Variants in NTRK3 observed in about 807,000 individuals in gnomAD.
NTRK3 encodes the protein NT-3 growth factor receptor.
A neutral mutation model predicts 91.7 loss-of-function variants in NTRK3; 24 were observed. The ratio of observed to expected loss-of-function variants is 0.26; its 90% CI spans 0.19 to 0.37. The LOEUF is 0.37. NTRK3 is among the 10% of genes least tolerant of loss of function. The pLI is 1.00. For synonymous variants in NTRK3, 483 were observed against 404.0 expected, an observed-to-expected ratio of 1.20 and a Z score of -2.34; for missense variants, 880 against 1,068.9, an observed-to-expected ratio of 0.82 and a Z score of 2.46.
chr15:88,244,099 C>G lies in NTRK3; in HGVS notation c.248+11807G>C, dbSNP rs1213621334. On this transcript the variant is annotated intron_variant, in intron 3 of 18. Transcript: ENST00000394480. ...AGCCACTGGGTGTCACTGCTGCCCC[C>G]CCATGAATTGGAACCATAGAGCGTT... 3.3e-5 allele frequency among the ~76,000 whole-genome samples: 5 copies of G among 152,280 alleles called. No individual in the cohort carries two copies. In the South Asian group the frequency reaches 1.0e-3, roughly 32 times the overall value.
chr15:88,194,549 C>T (rs1393120246), intron 3 of NTRK3, among the ~76,000 whole-genome samples: 3 of 152,216 alleles, frequency 2.0e-5, no homozygotes, highest in Non-Finnish European at 4.4e-5. Flanking sequence ...GCCACATCCA[C>T]TATTATCACC....
rs545104113 is a variant in NTRK3, at chr15:88,235,095, A to G, written c.248+20811T>C. ...ACAAAGGCAGCCTCCTCACCTCCCC[A>G]TCATGCCTCATAACAGAGCACTCTG... On this transcript the variant is annotated intron_variant, in intron 3 of 18. Coordinates refer to ENST00000394480, the Ensembl canonical transcript of NTRK3. The surrounding 1 kb of genome is among the most constrained non-coding windows in gnomAD (Gnocchi z 5.2). Among the ~76,000 whole-genome samples the G allele has an allele frequency of 1.3e-5, 2 of 152,186 alleles. No homozygotes were observed. Among genetic ancestry groups the G allele is most frequent in the African/African-American group, 4.8e-5 (2 of 41,524 alleles).
chr15:88,216,252 A>G (rs1275440731), intron 3 of NTRK3, among the ~76,000 whole-genome samples: 1 of 152,152 alleles, frequency 6.6e-6, no homozygotes. Flanking sequence ...CCACTAGGAT[A>G]TCAAGTTTGG....
intron 13 of NTRK3, among the ~76,000 whole-genome samples, chr15:88,071,504 G>A (rs1169825000): frequency 6.6e-6 from 1 of 152,256 alleles, no homozygotes; most frequent in Non-Finnish European, 1.5e-5. Flanking sequence ...TCTCTGAACA[G>A]CTACATCAGT....
intron 17 of NTRK3, among the ~76,000 whole-genome samples, chr15:87,905,479 G>C (rs2066711644): frequency 6.6e-6 from 1 of 152,078 alleles, no homozygotes; most frequent in Non-Finnish European, 1.5e-5. Context: ...ATATATGAAA[G>C]TATACCACAA....
chr15:87,975,492 C>T (rs545792509), intron 14 of NTRK3, among the ~76,000 whole-genome samples: 41 of 152,276 alleles, frequency 2.7e-4, no homozygotes, highest in Middle Eastern at 3.4e-3. Flanking sequence ...TGGTGACATT[C>T]GAATGCAGGA....
chr15:87,968,647 A>C (rs150735268), intron 14 of NTRK3, among the ~76,000 whole-genome samples: 1 of 152,228 alleles, frequency 6.6e-6, no homozygotes, highest in East Asian at 1.9e-4. Flanking sequence ...AGTTTGACTA[A>C]CCTCACCTCA....
chr15:88,101,382 G>A (rs1194322143), intron 13 of NTRK3, among the ~76,000 whole-genome samples: 1 of 152,310 alleles, frequency 6.6e-6, no homozygotes, highest in East Asian at 1.9e-4. Flanking sequence ...TGCTGGAAAG[G>A]ATGTGGAGAA....
intron 14 of NTRK3, among the ~76,000 whole-genome samples, chr15:88,001,871 A>G (rs1423114061): frequency 6.6e-6 from 1 of 152,162 alleles, no homozygotes; most frequent in Non-Finnish European, 1.5e-5. Context: ...TTTCTGCAAA[A>G]AAGAGGCCTG....
chr15:88,188,677 T>G (rs552943787), intron 3 of NTRK3, among the ~76,000 whole-genome samples: 1 of 152,218 alleles, frequency 6.6e-6, no homozygotes, highest in South Asian at 2.1e-4. Flanking sequence ...TGAGTCCAGG[T>G]GAGAGGAAAA....
At chr15:88,045,944 T>A (rs1323474344) in intron 13 of NTRK3, among the ~76,000 whole-genome samples, 1 of 152,248 alleles carries the variant, frequency 6.6e-6, no homozygotes, top group Non-Finnish European at 1.5e-5. Context: ...CTTAATTCCA[T>A]CTGCAAAGAG....
At position 88,134,252 on chromosome 15, in the gene NTRK3, G is replaced by A. The variant is rs545516524; in HGVS notation, c.1204+849C>T. 2.5e-4 allele frequency among the ~76,000 whole-genome samples: 38 copies of A among 152,150 alleles called. No homozygotes were observed. In the South Asian group the frequency reaches 3.5e-3, roughly 14 times the overall value. On this transcript the variant is annotated intron_variant, in intron 10 of 18. Coordinates refer to ENST00000394480, the Ensembl canonical transcript of NTRK3. ...TTTATGGGCAAAACTTATCAATTGCGGAACCCACAAAAAGATGCTACAATC... is the reference window on the plus strand; with the variant it reads ...TTTATGGGCAAAACTTATCAATTGCAGAACCCACAAAAAGATGCTACAATC...
intron 6 of NTRK3, among the ~76,000 whole-genome samples, chr15:88,141,094 G>A (rs924226358): frequency 6.6e-6 from 1 of 152,174 alleles, no homozygotes; most frequent in Non-Finnish European, 1.5e-5. Flanking sequence ...GAATGAGGTT[G>A]GGATGGGGGT....
intron 17 of NTRK3, among the ~76,000 whole-genome samples, chr15:87,922,916 T>C (rs935833637): frequency 1.3e-5 from 2 of 152,216 alleles, no homozygotes; most frequent in Admixed American, 1.3e-4. Flanking sequence ...TTTACTCTTC[T>C]GCTTTCCTGG....
At chr15:88,062,003 T>C (rs890990775) in intron 13 of NTRK3, among the ~76,000 whole-genome samples, 5 of 152,126 alleles carry the variant, frequency 3.3e-5, no homozygotes, top group African/African-American at 1.2e-4. Context: ...AAAATAAAAA[T>C]TAACAAAATA....
chr15:88,157,638 G>A (rs1051843970), intron 5 of NTRK3, among the ~76,000 whole-genome samples: 1 of 152,150 alleles, frequency 6.6e-6, no homozygotes, highest in African/African-American at 2.4e-5. Context: ...GAACCTCGCA[G>A]AACATGGGGG....
At chr15:88,029,153 A>AG (rs1164621717) in intron 14 of NTRK3, among the ~76,000 whole-genome samples, 2 of 152,136 alleles carry the variant, frequency 1.3e-5, no homozygotes, top group Admixed American at 1.3e-4. Flanking sequence ...AAAAATAATG[A>AG]GGGGGGCTTT....
intron 15 of NTRK3, among the ~76,000 whole-genome samples, chr15:87,938,683 C>CA (rs1458665140): frequency 1.3e-5 from 2 of 152,176 alleles, no homozygotes; most frequent in African/African-American, 4.8e-5. Flanking sequence ...GCTGAAAGTG[C>CA]AAAAATGTTC....
intron 13 of NTRK3, among the ~76,000 whole-genome samples, chr15:88,081,535 G>A (rs1167181874): frequency 6.6e-6 from 1 of 152,226 alleles, no homozygotes; most frequent in African/African-American, 2.4e-5. Context: ...GGCCCTTTCT[G>A]GAATCCTAGT....
Sources: gnomAD v4.1 joint callset for allele counts (sites outside exome capture counted in the v4.1 genomes callset) on GRCh38, gnomAD v4.1.1 for gene constraint, Gnocchi (gnomAD v3.1) non-coding constraint, MANE v1.5 for transcripts, NCBI Gene and HGNC (gene_info 2026-07-23, HGNC 2026-07-21) for gene names.